Variants in GSE1 observed in about 807,000 individuals in gnomAD.
GSE1 encodes the protein Gse1 coiled-coil protein.
Under a neutral mutation model 112.6 loss-of-function variants are expected in GSE1, and 32 were observed. That is an observed-to-expected ratio of 0.28 (90% CI 0.21 to 0.38). The LOEUF (loss-of-function observed/expected upper bound fraction) is 0.38. GSE1 is among the 10% of genes least tolerant of loss of function. GSE1 has a pLI of 1.00. For missense variants in GSE1, 2,348 were observed against 1,699.2 expected, an observed-to-expected ratio of 1.38 and a Z score of -6.71; for synonymous variants, 1,115 against 735.6, an observed-to-expected ratio of 1.52 and a Z score of -8.35.
intron 1 of GSE1, among the ~76,000 whole-genome samples, chr16:85,297,804 C>T (rs2045410585): frequency 6.6e-6 from 1 of 152,236 alleles, no homozygotes; most frequent in Admixed American, 6.5e-5. Flanking sequence ...AGCCACTGCA[C>T]CTGGCCCTTA....
chr16:85,260,578 C>T (rs1907583532), intron 1 of GSE1, among the ~76,000 whole-genome samples: 1 of 152,156 alleles, frequency 6.6e-6, no homozygotes, highest in African/African-American at 2.4e-5. Flanking sequence ...CTGCCTCGGC[C>T]TCCCAAAGTG....
rs562285965 is a variant in GSE1 at position 85,211,308 on chromosome 16, T to G, written c.2283+39501T>G. The stretch of plus-strand genomic sequence containing the variant: ...CAGCTTCAGGCTTGTGGTTTTTTTT[T>G]TTTGTTTTTTTTTTTTAAGGGAATG... On this transcript the variant is annotated intron_variant, in intron 1 of 2. Coordinates refer to the GSE1 transcript ENST00000637419. Among the ~76,000 whole-genome samples the G allele has an allele frequency of 1.3e-3, 195 of 151,710 alleles. 1 individual carries two copies. The highest frequency in any genetic ancestry group is 2.1e-3 in the Non-Finnish European group (142 of 67,936).
intron 13 of GSE1, among the ~76,000 whole-genome samples, chr16:85,667,173 C>T (rs1236506307): frequency 6.6e-6 from 1 of 151,364 alleles, no homozygotes; most frequent in Non-Finnish European, 1.5e-5. Context: ...TACCCTCCCT[C>T]CCTGCCCTTT....
chr16:85,598,985 C>T (rs954618631), intron 1 of GSE1, among the ~76,000 whole-genome samples: 2 of 152,244 alleles, frequency 1.3e-5, no homozygotes, highest in African/African-American at 4.8e-5. Context: ...CTCTCTCCTA[C>T]TCCCCCTCAA....
At chr16:85,508,349 T>G (rs1378663496) in intron 2 of GSE1, among the ~76,000 whole-genome samples, 1 of 152,194 alleles carries the variant, frequency 6.6e-6, no homozygotes, top group Non-Finnish European at 1.5e-5. Context: ...CACTTATTTT[T>G]CGGAACAGGT....
chr16:85,186,605 GAA>G (rs758525570), intron 1 of GSE1, among the ~76,000 whole-genome samples: 39 of 122,978 alleles, frequency 3.2e-4, no homozygotes, highest in Non-Finnish European at 5.4e-4. Flanking sequence ...TCTGTCTCAA[GAA>G]AAAAAAAAAA....
At chr16:85,610,279 A>AC (rs1353789952), upstream of GSE1, among the ~76,000 whole-genome samples, 1 of 152,152 alleles carries the variant, frequency 6.6e-6, no homozygotes, top group Non-Finnish European at 1.5e-5. Flanking sequence ...CCTGGCACCT[A>AC]CCTAGCTCCT....
chr16:85,371,993 C>G (rs2047311172), intron 2 of GSE1, among the ~76,000 whole-genome samples: 1 of 152,214 alleles, frequency 6.6e-6, no homozygotes, highest in Non-Finnish European at 1.5e-5. Context: ...GGCTCCGCCT[C>G]TGCAGAGCTT....
At chr16:85,456,484 C>T (rs548546849) in intron 2 of GSE1, among the ~76,000 whole-genome samples, 275 of 152,232 alleles carry the variant, frequency 1.8e-3, no homozygotes, top group Non-Finnish European at 3.3e-3. Flanking sequence ...CCATTTCACA[C>T]TGCCACGAAG....
chr16:85,422,350 G>C (rs1031494050), intron 2 of GSE1, among the ~76,000 whole-genome samples: 1 of 150,370 alleles, frequency 6.7e-6, no homozygotes, highest in Non-Finnish European at 1.5e-5. Flanking sequence ...GAGGCTCTGC[G>C]GGAAGGAGCT....
At chr16:85,587,533 G>T (rs1420372760) in intron 1 of GSE1, among the ~76,000 whole-genome samples, 2 of 152,110 alleles carry the variant, frequency 1.3e-5, no homozygotes, top group Non-Finnish European at 1.5e-5. Flanking sequence ...CACAGCGGGG[G>T]CTTCACACCT....
intron 1 of GSE1, chr16:85,185,356 C>T (rs1159439479): frequency 6.6e-6 from 1 of 152,310 alleles, no homozygotes; most frequent in Non-Finnish European, 1.5e-5. Flanking sequence ...GGCCATGGGT[C>T]TGAGAGATGC....
chr16:85,312,169 A>G (rs1389594669), intron 1 of GSE1, among the ~76,000 whole-genome samples: 1 of 130,534 alleles, frequency 7.7e-6, no homozygotes, highest in African/African-American at 3.2e-5. Context: ...CTCAGAGAAC[A>G]TTGCAATCCC....
intron 2 of GSE1, among the ~76,000 whole-genome samples, chr16:85,378,302 T>G (rs1034791685): frequency 6.6e-6 from 1 of 152,150 alleles, no homozygotes; most frequent in African/African-American, 2.4e-5. Context: ...TCCATGCTGC[T>G]GCCTGCCCAT....
chr16:85,618,260 G>A (rs1220528774), intron 1 of GSE1, among the ~76,000 whole-genome samples: 5 of 152,044 alleles, frequency 3.3e-5, no homozygotes, highest in Admixed American at 2.0e-4. Flanking sequence ...TAATCATCAC[G>A]TCCTCACCCC....
chr16:85,299,301 T>C (rs2045452407), intron 1 of GSE1, among the ~76,000 whole-genome samples: 1 of 152,240 alleles, frequency 6.6e-6, no homozygotes, highest in Admixed American at 6.5e-5. Context: ...CCTGTGTCTA[T>C]TCAGGAACGG....
At chr16:85,632,557 G>A (rs991776114) in intron 1 of GSE1, among the ~76,000 whole-genome samples, 1 of 152,182 alleles carries the variant, frequency 6.6e-6, no homozygotes, top group African/African-American at 2.4e-5. Flanking sequence ...CGCTGCCTCC[G>A]AGCCTGCTGT....
chr16:85,219,342 T>A (rs1213167127), intron 1 of GSE1, among the ~76,000 whole-genome samples: 3 of 152,328 alleles, frequency 2.0e-5, no homozygotes, highest in East Asian at 1.9e-4. Context: ...GTGGGTTTTT[T>A]AAAAAAATGA....
chr16:85,257,412 T>C (rs117241868), intron 1 of GSE1, among the ~76,000 whole-genome samples: 135 of 152,320 alleles, frequency 8.9e-4, no homozygotes, highest in South Asian at 2.5e-3. Flanking sequence ...CGCTCAGCAA[T>C]GTTCTGCATT....
Sources: gnomAD v4.1 joint callset for allele counts (sites outside exome capture counted in the v4.1 genomes callset) on GRCh38, gnomAD v4.1.1 for gene constraint, MANE v1.5 for transcripts, NCBI Gene and HGNC (gene_info 2026-07-23, HGNC 2026-07-21) for gene names.